The following SLC25A3 variants were observed in gnomAD, a reference collection of about 807,000 sequenced individuals.
The protein encoded by SLC25A3 is phosphate transport protein.
In SLC25A3, 14 loss-of-function variants were observed where a neutral mutation model predicts 37.1. That is an observed-to-expected ratio of 0.38 (90% CI 0.25 to 0.59). SLC25A3 has a LOEUF of 0.59. Ranked by LOEUF, SLC25A3 falls within the 20% of genes least tolerant of loss-of-function variation. SLC25A3 has a pLI of 0.67. For synonymous variants in SLC25A3, 161 were observed against 168.7 expected (o/e 0.95, Z 0.36); for missense variants, 385 against 458.1 (o/e 0.84, Z 1.46).
chr12:98,599,514 A>G, intron 5 of SLC25A3: 1 of 425,648 alleles, frequency 2.3e-6, no homozygotes, highest in South Asian at 1.9e-5. Flanking sequence ...TCCCTAGAGT[A>G]AGGACCATTT....
chr12:98,595,751 C>T lies in SLC25A3; in HGVS notation c.182C>T (p.Ala61Val), dbSNP rs754462038. The T allele has an allele frequency of 2.7e-5, 44 of 1,613,922 alleles. No homozygotes were observed. The highest frequency in any genetic ancestry group is 8.3e-5 in the Admixed American group (5 of 59,988). ...GAGTACAGTTGTGAATTTGGCTCCG[C>T]GAAGTATTATGCACTGTGTGGCTTT... is the stretch of plus-strand genomic sequence containing the variant. ...VEEYSCEFGS[A>V]KYYALCGFGG... Residue 61 changes from alanine (A) to valine (V), a missense_variant, in exon 3 of 8, where the codon GCG becomes GTG. Coordinates refer to ENST00000552981, the MANE Select transcript of SLC25A3 (RefSeq NM_002635.4).
chr12:98,596,925 A>C (rs1236538396), intron 3 of SLC25A3, among the ~76,000 whole-genome samples: 1 of 152,150 alleles, frequency 6.6e-6, no homozygotes, highest in Non-Finnish European at 1.5e-5. Context: ...AGGCTGAGGC[A>C]GGAGAATCGC....
Position 98,606,337 on chromosome 12 carries a change from T to C in SLC25A3, c.*4809T>C, listed in dbSNP as rs1457220534. The C allele has an allele frequency of 6.6e-6, 1 of 152,142 alleles. No individual in the cohort carries two copies. The highest frequency in any genetic ancestry group is 1.5e-5 in the Non-Finnish European group (1 of 68,024). The allele number at this position is 152,142 out of a possible 1,614,324, so 9.4% of individuals were successfully genotyped here. ...AGCTACTATCGGCATCTTGTAAAAATTAAAAAATTAAACATAAATAAAAGT... is the reference window on the plus strand; with the variant it reads ...AGCTACTATCGGCATCTTGTAAAAACTAAAAAATTAAACATAAATAAAAGT... On this transcript the variant is annotated 3_prime_UTR_variant, in exon 8 of 8. Transcript: ENST00000552981.
At chr12:98,595,338 A>G (rs2097592083) in intron 2 of SLC25A3, 4 of 1,332,046 alleles carry the variant, frequency 3.0e-6, no homozygotes, top group Non-Finnish European at 2.1e-6. Flanking sequence ...AGCTGTGATA[A>G]TAGTATCTCA....
At chr12:98,600,433 A>T (rs1445167154) in intron 6 of SLC25A3, among the ~76,000 whole-genome samples, 1 of 149,126 alleles carries the variant, frequency 6.7e-6, no homozygotes, top group Non-Finnish European at 1.5e-5. Context: ...TTTTTTTGAG[A>T]TGGAGTTTTA....
chr12:98,598,298 T>C, intron 4 of SLC25A3: 1 of 741,430 alleles, frequency 1.3e-6, no homozygotes, highest in South Asian at 1.9e-5. Context: ...CTGGGACTCC[T>C]TTGCGTAGTT....
intron 4 of SLC25A3, 186 bp downstream of exon 4, chr12:98,598,221 A>G (rs878978534): frequency 8.7e-6 from 6 of 690,864 alleles, no homozygotes; most frequent in South Asian, 7.6e-5. Context: ...TTAAATTACA[A>G]TTCTCCTTTT....
At position 98,601,623 on chromosome 12, in the gene SLC25A3, G is replaced by A. The variant is rs2097597982; in HGVS notation, c.*95G>A. 2 of 815,746 alleles carry A rather than the reference G, an allele frequency of 2.5e-6. No individual in the cohort carries two copies. The highest frequency in any genetic ancestry group is 3.9e-5 in the Admixed American group (2 of 51,828). 50.5% of individuals were successfully genotyped at this position (815,746 alleles called of 1,614,324 possible). A position where few individuals can be genotyped will look rare whatever the true frequency, so the allele number is the denominator to read the frequency against. ...TATATATTTGACAGTGTAGGAAATTGTCTATTCCTGATATAATTACTGTAG... is the reference window on the plus strand; with the variant it reads ...TATATATTTGACAGTGTAGGAAATTATCTATTCCTGATATAATTACTGTAG... On this transcript the variant is annotated 3_prime_UTR_variant, in exon 8 of 8. Transcript: ENST00000552981.
In SLC25A3 at chr12:98,601,770, A is replaced by T; in HGVS notation, c.*242A>T. Reference sequence around the variant, plus strand: ...AGATTTAGCTTTAAAATAGTTGGAAAGAATGAAGTATATAAGTTAAGGAAA... The same window carrying T: ...AGATTTAGCTTTAAAATAGTTGGAATGAATGAAGTATATAAGTTAAGGAAA... On this transcript the variant is annotated 3_prime_UTR_variant, in exon 8 of 8. Transcript: ENST00000552981. 1 of 501,258 alleles carries T rather than the reference A, an allele frequency of 2.0e-6. No homozygotes were observed. Among genetic ancestry groups the T allele is most frequent in the South Asian group, 2.2e-5 (1 of 45,484 alleles). The allele number at this position is 501,258 out of a possible 1,614,324, so 31.1% of individuals were successfully genotyped here.
At position 98,601,695 on chromosome 12, in the gene SLC25A3, C is replaced by A; in HGVS notation, c.*167C>A. ...TTTCAGATTTACTGTTGAAATAAAC[C>A]CAACTCTTCATGATTTGCCTGTGAC... On this transcript the variant is annotated 3_prime_UTR_variant, in exon 8 of 8. Transcript: ENST00000552981. 1 of 628,664 alleles carries A rather than the reference C, an allele frequency of 1.6e-6. No individual in the cohort carries two copies. The highest frequency in any genetic ancestry group is 2.8e-6 in the Non-Finnish European group (1 of 353,052). 38.9% of individuals were successfully genotyped at this position (628,664 alleles called of 1,614,324 possible).
intron 2 of SLC25A3, 71 bp downstream of exon 2, chr12:98,594,206 C>T (rs556001030): frequency 1.5e-6 from 2 of 1,320,352 alleles, no homozygotes; most frequent in South Asian, 1.2e-5. Context: ...AGGCCTGGAC[C>T]CGGCTTGGAG....
rs2097601133 is a variant in SLC25A3 at position 98,606,233 on chromosome 12, A to AAAAT, written c.*4707_*4708insATAA. On this transcript the variant is annotated 3_prime_UTR_variant, in exon 8 of 8. Coordinates refer to ENST00000552981, the MANE Select transcript of SLC25A3 (RefSeq NM_002635.4). ...CATAGTTGAGAAACAAAGTTATTTT[A>AAAAT]AACTTACAGGACTCTGTAGTTCACA... 7.2e-5 allele frequency: 11 copies of AAAAT among 152,390 alleles called. No homozygotes were observed. Among genetic ancestry groups the AAAAT allele is most frequent in the African/African-American group, 2.6e-4 (11 of 41,596 alleles). The allele number at this position is 152,390 out of a possible 1,614,324, so 9.4% of individuals were successfully genotyped here. A position where few individuals can be genotyped will look rare whatever the true frequency, so the allele number is the denominator to read the frequency against.
At chr12:98,596,949 G>T (rs2097593511) in intron 3 of SLC25A3, among the ~76,000 whole-genome samples, 1 of 152,148 alleles carries the variant, frequency 6.6e-6, no homozygotes, top group South Asian at 2.1e-4. Flanking sequence ...AACCTGGGAG[G>T]TGGAGGTTGC....
Position 98,605,203 on chromosome 12 carries a change from T to G in SLC25A3, c.*3675T>G, listed in dbSNP as rs139164417. The G allele has an allele frequency of 2.7e-4, 41 of 152,258 alleles. No homozygotes were observed. Among genetic ancestry groups the G allele is most frequent in the African/African-American group, 9.9e-4 (41 of 41,528 alleles). 9.4% of individuals were successfully genotyped at this position (152,258 alleles called of 1,614,324 possible). ...AGGAGACCAAGGCAGGAGGATGCCT[T>G]GAGCCCAGGAGTTTGAGACCATCCT... On this transcript the variant is annotated 3_prime_UTR_variant, in exon 8 of 8. Transcript: ENST00000552981.
rs894088250 is a variant in SLC25A3, at chr12:98,605,080, T to A, written c.*3552T>A. The A allele has an allele frequency of 3.3e-5, 5 of 152,244 alleles. No individual in the cohort carries two copies. Among genetic ancestry groups the A allele is most frequent in the African/African-American group, 1.2e-4 (5 of 41,454 alleles). The allele number at this position is 152,244 out of a possible 1,614,324, so 9.4% of individuals were successfully genotyped here. On this transcript the variant is annotated 3_prime_UTR_variant, in exon 8 of 8. Coordinates refer to ENST00000552981, the MANE Select transcript of SLC25A3 (RefSeq NM_002635.4). The stretch of plus-strand genomic sequence containing the variant: ...ACTTGGCCAACCATATTTTATTTTT[T>A]ATATTTTTATTTTATTTGATCCTTG...
At position 98,598,843 on chromosome 12, in the gene SLC25A3, T is replaced by G. The variant is rs1052525840; in HGVS notation, c.641+140T>G. 6.2e-5 allele frequency: 47 copies of G among 756,426 alleles called. No homozygotes were observed. In the African/African-American group the frequency reaches 7.8e-4, roughly 13 times the overall value. 46.9% of individuals were successfully genotyped at this position (756,426 alleles called of 1,614,324 possible). On this transcript the variant is annotated intron_variant, in intron 5 of 7. Coordinates refer to ENST00000552981, the MANE Select transcript of SLC25A3 (RefSeq NM_002635.4). ...CAGGCTGGAGTGCAGTGGCGTGATC[T>G]CGGCTCACTGCAAGCTCCGCCTCCC...
rs763329270 is a variant in SLC25A3, at chr12:98,598,591, A to G, written c.529A>G (p.Ile177Val). The G allele has an allele frequency of 2.0e-5, 32 of 1,613,842 alleles. No homozygotes were observed. In the South Asian group the frequency reaches 2.5e-4, roughly 13 times the overall value. Reference sequence around the variant, plus strand: ...TGCCAGTGCTGAATTCTTTGCTGACATTGCCCTGGCTCCTATGGAAGCTGC... The same window carrying G: ...TGCCAGTGCTGAATTCTTTGCTGACGTTGCCCTGGCTCCTATGGAAGCTGC... ...ASASAEFFAD[I>V]ALAPMEAAKV... The change falls in exon 5 of 8, where the codon ATT (isoleucine) becomes GTT (valine). Residue 177 changes from isoleucine (I) to valine (V), a missense_variant. Ile to Val is a conservative substitution (Grantham distance 29, BLOSUM62 3). Transcript: ENST00000552981.
chr12:98,597,046 A>G (rs2097593594), intron 3 of SLC25A3, among the ~76,000 whole-genome samples: 1 of 152,136 alleles, frequency 6.6e-6, no homozygotes, highest in Non-Finnish European at 1.5e-5. Flanking sequence ...CAAAAAAAGT[A>G]GTAGGAGTTG....
At chr12:98,594,247 C>T (rs1362527906) in intron 2 of SLC25A3, 112 bp downstream of exon 2, 2 of 925,278 alleles carry the variant, frequency 2.2e-6, no homozygotes, top group Non-Finnish European at 1.7e-6. Flanking sequence ...GCCCGCTGCA[C>T]CGTAGGACGG....
Sources: allele counts gnomAD v4.1 joint callset (sites outside exome capture counted in the v4.1 genomes callset), GRCh38; gene constraint gnomAD v4.1.1; transcripts MANE v1.5; gene names NCBI Gene and HGNC (gene_info 2026-07-23, HGNC 2026-07-21).